The following SMPDL3B variants were observed in gnomAD, a reference collection of about 807,000 sequenced individuals.
The protein encoded by SMPDL3B is sphingomyelin phosphodiesterase acid like 3B.
Under a neutral mutation model 37.9 loss-of-function variants are expected in SMPDL3B, and 31 were observed. That is an observed-to-expected ratio of 0.82 (90% confidence interval 0.61 to 1.10). The LOEUF (loss-of-function observed/expected upper bound fraction) is 1.10. Ranked by LOEUF, SMPDL3B falls within the 50% of genes least tolerant of loss-of-function variation. The probability of loss-of-function intolerance (pLI) is 0.00; values close to 1 mark genes in which losing one functional copy is unlikely to be tolerated. For missense variants in SMPDL3B, 525 were observed against 597.8 expected, an observed-to-expected ratio of 0.88 and a Z score of 1.27; for synonymous variants, 235 against 242.6, an observed-to-expected ratio of 0.97 and a Z score of 0.29.
At position 27,956,310 on chromosome 1, in the gene SMPDL3B, C is replaced by T. The variant is rs928193952; in HGVS notation, c.1005+228C>T. ...TTCCCCTGGATGACTGTCACAGCTTCATACCTGGTCTCCCTGCCTCTGGCC... is the reference window on the plus strand; with the variant it reads ...TTCCCCTGGATGACTGTCACAGCTTTATACCTGGTCTCCCTGCCTCTGGCC... On this transcript the variant is annotated intron_variant, in intron 7 of 7. Transcript: ENST00000373894. 36 of 1,473,290 alleles carry T rather than the reference C, an allele frequency of 2.4e-5. No individual in the cohort carries two copies. In the Admixed American group the frequency reaches 3.3e-4, roughly 13 times the overall value. 91.3% of individuals were successfully genotyped at this position (1,473,290 alleles called of 1,614,324 possible).
chr1:27,951,009 T>C (rs1305432422), intron 3 of SMPDL3B, among the ~76,000 whole-genome samples: 1 of 151,988 alleles, frequency 6.6e-6, no homozygotes, highest in Non-Finnish European at 1.5e-5. Flanking sequence ...AGTAATTCTC[T>C]CTCTTAGCCT....
chr1:27,958,328 A>T lies in SMPDL3B; in HGVS notation c.1006-148A>T. ...TCATTCGATTCAGAGGATGTCTGCC[A>T]AGCACAATGGGTGCACAGCTAAGTG... is the stretch of plus-strand genomic sequence containing the variant. On this transcript the variant is annotated intron_variant, in intron 7 of 7. Coordinates refer to ENST00000373894, the MANE Select transcript of SMPDL3B (RefSeq NM_014474.4). This position sits in a 1 kb window ranked among gnomAD's most constrained non-coding sequence, Gnocchi z 5.6. The T allele has an allele frequency of 9.1e-7, 1 of 1,098,798 alleles. No individual in the cohort carries two copies. Among genetic ancestry groups the T allele is most frequent in the Non-Finnish European group, 1.3e-6 (1 of 770,620 alleles). 68.1% of individuals were successfully genotyped at this position (1,098,798 alleles called of 1,614,324 possible).
Position 27,949,569 on chromosome 1 carries a change from A to C in SMPDL3B, c.373+407A>C, listed in dbSNP as rs572438647. On this transcript the variant is annotated intron_variant, in intron 3 of 7. Coordinates refer to ENST00000373894, the MANE Select transcript of SMPDL3B (RefSeq NM_014474.4). ...GTCCTGGCTGCCAGGGCCTCTGGGA[A>C]ATGCTAATTTCCAGCCAAGGTGCTG... Among the ~76,000 whole-genome samples the C allele has an allele frequency of 4.6e-5, 7 of 152,216 alleles. No individual in the cohort carries two copies. The East Asian group carries it at 1.2e-3, about 25-fold the overall frequency.
At position 27,935,169 on chromosome 1, in the gene SMPDL3B, A is replaced by G. The variant is rs1457851108; in HGVS notation, c.-15A>G. On this transcript the variant is annotated 5_prime_UTR_variant, in exon 1 of 8. Transcript: ENST00000373894. ...GCCTGAGAATCCCACGGCTCTGGGG[A>G]AGTGAGCCCCGAGGATGAGGCTGCT... is the stretch of plus-strand genomic sequence containing the variant. The G allele has an allele frequency of 3.1e-6, 5 of 1,610,902 alleles. No homozygotes were observed. Among genetic ancestry groups the G allele is most frequent in the Non-Finnish European group, 4.2e-6 (5 of 1,177,298 alleles).
intron 7 of SMPDL3B, among the ~76,000 whole-genome samples, chr1:27,956,930 CT>C (rs1231746026): frequency 1.3e-5 from 2 of 151,828 alleles, no homozygotes; most frequent in Non-Finnish European, 2.9e-5. Context: ...CAGTGGGTAT[CT>C]TGGGGAGGTG....
At chr1:27,936,192 C>T (rs2090306779) in intron 1 of SMPDL3B, among the ~76,000 whole-genome samples, 1 of 152,150 alleles carries the variant, frequency 6.6e-6, no homozygotes, top group Non-Finnish European at 1.5e-5. Context: ...TGGCTAACAT[C>T]TGTAATCCCA....
chr1:27,936,231 T>C (rs759120259), intron 1 of SMPDL3B, among the ~76,000 whole-genome samples: 26 of 151,310 alleles, frequency 1.7e-4, no homozygotes, highest in Non-Finnish European at 3.2e-4. Context: ...GAGGGTGGAT[T>C]GCTTGAGTCC....
chr1:27,956,275 A>C, intron 7 of SMPDL3B, 193 bp downstream of exon 7: 3 of 1,520,660 alleles, frequency 2.0e-6, no homozygotes, highest in Non-Finnish European at 2.6e-6. Flanking sequence ...GTGCCTCACC[A>C]AGTCACCTTT....
At chr1:27,956,578 C>T (rs970217298) in intron 7 of SMPDL3B, 8 of 753,460 alleles carry the variant, frequency 1.1e-5, no homozygotes, top group African/African-American at 5.6e-5. Context: ...TCCCTCACCT[C>T]GTAGGATGAG....
At chr1:27,950,460 CTG>C (rs1325418065) in intron 3 of SMPDL3B, among the ~76,000 whole-genome samples, 5 of 152,088 alleles carry the variant, frequency 3.3e-5, no homozygotes, top group African/African-American at 1.2e-4. Flanking sequence ...GCTTCACTGA[CTG>C]TTTTGTTTTT....
In SMPDL3B at chr1:27,955,723, A is replaced by G; in HGVS notation, c.730A>G (p.Lys244Glu). The G allele has an allele frequency of 6.2e-7, 1 of 1,614,134 alleles. No homozygotes were observed. Among genetic ancestry groups the G allele is most frequent in the Middle Eastern group, 1.7e-4 (1 of 6,056 alleles). The change falls in exon 6 of 8, where the codon AAG becomes GAG. Residue 244 changes from lysine to glutamate, a missense_variant. Transcript: ENST00000373894. Reference protein sequence around the residue: ...VGHVPPGFFEKTQNKAWFREG... With the variant: ...VGHVPPGFFEETQNKAWFREG... ...CCACGTGCCCCCGGGGTTCTTTGAG[A>G]AGACGCAAAACAAGGCATGGTTCCG...
chr1:27,954,586 C>T lies in SMPDL3B; in HGVS notation c.690+60C>T, dbSNP rs907716517. ...GGTTATTTCCTGCACAAGTCTCCCG[C>T]TTGGCACAAACTCACCCACCCACCC... On this transcript the variant is annotated intron_variant, in intron 5 of 7. Coordinates refer to ENST00000373894, the MANE Select transcript of SMPDL3B (RefSeq NM_014474.4). The T allele has an allele frequency of 4.5e-6, 7 of 1,543,262 alleles. No individual in the cohort carries two copies. In the African/African-American group the frequency reaches 6.8e-5, roughly 15 times the overall value.
At chr1:27,939,402 G>A (rs1448700319) in intron 1 of SMPDL3B, among the ~76,000 whole-genome samples, 2 of 152,078 alleles carry the variant, frequency 1.3e-5, no homozygotes, top group Non-Finnish European at 2.9e-5. Flanking sequence ...TCAGGCTGGA[G>A]TGCGGTGCTG....
At chr1:27,937,880 A>G (rs1442238642) in intron 1 of SMPDL3B, among the ~76,000 whole-genome samples, 1 of 152,218 alleles carries the variant, frequency 6.6e-6, no homozygotes, top group African/African-American at 2.4e-5. Flanking sequence ...GGGCAAAAGC[A>G]GTTTTCAAAC....
At chr1:27,944,804 C>T (rs1364700744) in intron 1 of SMPDL3B, among the ~76,000 whole-genome samples, 1 of 151,352 alleles carries the variant, frequency 6.6e-6, no homozygotes, top group Non-Finnish European at 1.5e-5. Context: ...TATTTCCCTG[C>T]AGCATGAGAG....
chr1:27,943,956 G>T (rs2090381930), intron 1 of SMPDL3B, among the ~76,000 whole-genome samples: 1 of 148,016 alleles, frequency 6.8e-6, no homozygotes, highest in East Asian at 2.0e-4. Context: ...AGAGGTTGCA[G>T]TGAGCCGAGA....
At chr1:27,949,525 C>T (rs1451735972) in intron 3 of SMPDL3B, among the ~76,000 whole-genome samples, 1 of 152,200 alleles carries the variant, frequency 6.6e-6, no homozygotes, top group Middle Eastern at 3.2e-3. Flanking sequence ...CTGGAGTTGG[C>T]ATCCATCACC....
chr1:27,945,582 AG>A lies in SMPDL3B; in HGVS notation c.275+139del. The A allele has an allele frequency of 1.4e-6, 1 of 736,496 alleles. No homozygotes were observed. The highest frequency in any genetic ancestry group is 2.3e-6 in the Non-Finnish European group (1 of 434,548). The allele number at this position is 736,496 out of a possible 1,614,324, so 45.6% of individuals were successfully genotyped here. ...TGAGGCTGAGGAACCTAAAGCTCAA[AG>A]GAATTTTGTAACTTGCCCGGGGATT... On this transcript the variant is annotated intron_variant, in intron 2 of 7. Transcript: ENST00000373894. The surrounding 1 kb of genome is among the most constrained non-coding windows in gnomAD (Gnocchi z 4.0).
At chr1:27,938,482 G>GT (rs1397482503) in intron 1 of SMPDL3B, among the ~76,000 whole-genome samples, 5 of 152,196 alleles carry the variant, frequency 3.3e-5, no homozygotes, top group African/African-American at 1.2e-4. Context: ...TTGAATACCT[G>GT]TGTGACCTGC....
Sources: allele counts gnomAD v4.1 joint callset (sites outside exome capture counted in the v4.1 genomes callset), GRCh38; gene constraint gnomAD v4.1.1; non-coding constraint Gnocchi (gnomAD v3.1); transcripts MANE v1.5; gene names NCBI Gene and HGNC (gene_info 2026-07-23, HGNC 2026-07-21).